Variants in ANKRD55 observed in about 807,000 individuals in gnomAD.
ANKRD55 encodes ankyrin repeat domain 55.
Under a neutral mutation model 60.6 loss-of-function variants are expected in ANKRD55, and 41 were observed. The observed-to-expected ratio is 0.68, with a 90% CI of 0.53 to 0.88. The LOEUF (loss-of-function observed/expected upper bound fraction) is 0.88, where lower values mean the gene tolerates loss of function less well. ANKRD55 is among the 40% of genes least tolerant of loss of function. The pLI, the probability that ANKRD55 is intolerant of heterozygous loss-of-function variation, is 0.00. For missense variants in ANKRD55, 732 were observed against 767.6 expected, an observed-to-expected ratio of 0.95 and a Z score of 0.55; for synonymous variants, 264 against 290.3, an observed-to-expected ratio of 0.91 and a Z score of 0.92.
At chr5:56,224,119 G>T (rs1317596146) in intron 2 of ANKRD55, among the ~76,000 whole-genome samples, 1 of 152,150 alleles carries the variant, frequency 6.6e-6, no homozygotes, top group Non-Finnish European at 1.5e-5. Flanking sequence ...TAAAAGAACA[G>T]AAATTATAAC....
chr5:56,126,315 T>C (rs1404526806), intron 8 of ANKRD55, among the ~76,000 whole-genome samples: 1 of 152,142 alleles, frequency 6.6e-6, no homozygotes, highest in Non-Finnish European at 1.5e-5. Context: ...ACCAAAACAG[T>C]TTAGATAAGC....
chr5:56,200,916 A>T (rs1759350049), intron 2 of ANKRD55, among the ~76,000 whole-genome samples: 1 of 152,178 alleles, frequency 6.6e-6, no homozygotes, highest in Admixed American at 6.5e-5. Context: ...GCTCTTTCTT[A>T]GATTGTTCCT....
intron 2 of ANKRD55, among the ~76,000 whole-genome samples, chr5:56,204,599 T>C (rs1759458358): frequency 6.6e-6 from 1 of 152,202 alleles, no homozygotes; most frequent in African/African-American, 2.4e-5. Context: ...TGCTGCTTCT[T>C]CTGCCATGAT....
rs535944633 is a variant in ANKRD55, at chr5:56,127,285, C to A, written c.613-179G>T. ...AATACACTCTATCTAAGCTCTCCAA[C>A]AAGTGTCCACTTGTCTCAAGTCACT... On this transcript the variant is annotated intron_variant, in intron 7 of 11. Coordinates refer to ENST00000341048, the MANE Select transcript of ANKRD55 (RefSeq NM_024669.3). 51 of 985,284 alleles carry A rather than the reference C, an allele frequency of 5.2e-5. No individual in the cohort carries two copies. The African/African-American group carries it at 8.7e-4, about 17-fold the overall frequency. 61.0% of individuals were successfully genotyped at this position (985,284 alleles called of 1,614,324 possible).
chr5:56,140,138 A>C (rs555356531), intron 7 of ANKRD55, among the ~76,000 whole-genome samples: 2 of 152,354 alleles, frequency 1.3e-5, no homozygotes, highest in Non-Finnish European at 1.5e-5. Flanking sequence ...AAAAGCAGGA[A>C]ATTCAGAAAA....
At chr5:56,121,609 G>A (rs1048695690) in intron 8 of ANKRD55, among the ~76,000 whole-genome samples, 8 of 151,874 alleles carry the variant, frequency 5.3e-5, no homozygotes, top group Non-Finnish European at 1.2e-4. Flanking sequence ...CTGACCTCGT[G>A]ATCCACCCGC....
chr5:56,117,001 T>C (rs1580947282), intron 8 of ANKRD55: 5 of 428,812 alleles, frequency 1.2e-5, no homozygotes, highest in African/African-American at 2.1e-5. Flanking sequence ...CCATCTACAC[T>C]CTCTGGCCTT....
chr5:56,111,828 T>C (rs779525052), intron 9 of ANKRD55, 46 bp from the exon 10 acceptor site: 2 of 1,433,666 alleles, frequency 1.4e-6, no homozygotes, highest in South Asian at 1.9e-5. Flanking sequence ...GTATGGGAAG[T>C]AGAGACATCA....
chr5:56,166,891 T>C (rs1758497214), intron 5 of ANKRD55, among the ~76,000 whole-genome samples: 1 of 152,182 alleles, frequency 6.6e-6, no homozygotes, highest in Non-Finnish European at 1.5e-5. Context: ...AGCCAGGAAG[T>C]TTTGTAAGAC....
intron 2 of ANKRD55, among the ~76,000 whole-genome samples, chr5:56,230,329 G>C (rs979690834): frequency 6.6e-6 from 1 of 152,126 alleles, no homozygotes; most frequent in African/African-American, 2.4e-5. Flanking sequence ...TCTTGACCTT[G>C]GGATCTGCCC....
Position 56,206,931 on chromosome 5 carries a change from C to T in ANKRD55, c.59-23297G>A, listed in dbSNP as rs920555103. On this transcript the variant is annotated intron_variant, in intron 2 of 11. Transcript: ENST00000341048. ...TGCCGGGGTGGCAGGGCTGGTGGAC[C>T]GGCTAGCAGTGCAAATCTTAAATCT... Among the ~76,000 whole-genome samples, 22 of 152,244 alleles carry T rather than the reference C, an allele frequency of 1.4e-4. No homozygotes were observed. In the South Asian group the frequency reaches 3.1e-3, roughly 22 times the overall value.
intron 3 of ANKRD55, among the ~76,000 whole-genome samples, chr5:56,178,025 G>A (rs775381816): frequency 1.3e-5 from 2 of 151,824 alleles, no homozygotes; most frequent in East Asian, 1.9e-4. Flanking sequence ...GCATAATCAC[G>A]TGTTTAAAAT....
chr5:56,101,363 C>T (rs372824270), intron 11 of ANKRD55, among the ~76,000 whole-genome samples: 18 of 152,086 alleles, frequency 1.2e-4, no homozygotes, highest in African/African-American at 4.1e-4. Context: ...GCTCCTAAAT[C>T]GTCTAACCTG....
At chr5:56,125,032 T>C (rs904663891) in intron 8 of ANKRD55, among the ~76,000 whole-genome samples, 25 of 152,168 alleles carry the variant, frequency 1.6e-4, no homozygotes, top group Admixed American at 2.6e-4. Context: ...CTTTCCACCA[T>C]GAGGCCTAGA....
In ANKRD55 at chr5:56,134,265, A is replaced by C. The variant is rs148427453; in HGVS notation, c.613-7159T>G. 1.6e-4 allele frequency among the ~76,000 whole-genome samples: 18 copies of C among 115,818 alleles called. 3 individuals carry two copies. Among genetic ancestry groups the C allele is most frequent in the African/African-American group, 4.5e-4 (16 of 35,748 alleles). The allele number at this position is 115,818 out of a possible 152,430, so 76.0% of individuals were successfully genotyped here. A position where few individuals can be genotyped will look rare whatever the true frequency, so the allele number is the denominator to read the frequency against. On this transcript the variant is annotated intron_variant, in intron 7 of 11. Coordinates refer to ENST00000341048, the MANE Select transcript of ANKRD55 (RefSeq NM_024669.3). ...CCACAAGGAGAAATAGATAATCTGA[A>C]TACGTTTATGTCTATTAAAGAAACT...
At chr5:56,206,793 A>G (rs1759522118) in intron 2 of ANKRD55, among the ~76,000 whole-genome samples, 1 of 152,210 alleles carries the variant, frequency 6.6e-6, no homozygotes, top group African/African-American at 2.4e-5. Context: ...AAGTGGTTGA[A>G]AGGTCCTCAC....
intron 2 of ANKRD55, among the ~76,000 whole-genome samples, chr5:56,213,839 C>A (rs922055451): frequency 6.6e-6 from 1 of 152,200 alleles, no homozygotes; most frequent in African/African-American, 2.4e-5. Flanking sequence ...GGTTTACCTG[C>A]TCAGGCAATT....
intron 2 of ANKRD55, among the ~76,000 whole-genome samples, chr5:56,195,240 T>C (rs1381849550): frequency 6.6e-6 from 1 of 152,232 alleles, no homozygotes; most frequent in Non-Finnish European, 1.5e-5. Context: ...ATTCTATTTT[T>C]AGTGACTCTG....
At chr5:56,122,497 A>G (rs996615279) in intron 8 of ANKRD55, among the ~76,000 whole-genome samples, 1 of 151,726 alleles carries the variant, frequency 6.6e-6, no homozygotes, top group Admixed American at 6.6e-5. Flanking sequence ...CTAAAAAAAA[A>G]ACAAACCCAA....
Sources: allele counts gnomAD v4.1 joint callset (sites outside exome capture counted in the v4.1 genomes callset), GRCh38; gene constraint gnomAD v4.1.1; transcripts MANE v1.5; gene names NCBI Gene and HGNC (gene_info 2026-07-23, HGNC 2026-07-21).